GLRA1: variants seen among roughly 807,000 people sequenced by gnomAD.
GLRA1 encodes glycine receptor alpha 1.
A neutral mutation model predicts 48.3 loss-of-function variants in GLRA1; 37 were observed. That is an observed-to-expected ratio of 0.77 (90% confidence interval 0.59 to 1.01). The LOEUF (loss-of-function observed/expected upper bound fraction) is 1.01, where lower values mean the gene tolerates loss of function less well. Ranked by LOEUF, GLRA1 falls within the 50% of genes least tolerant of loss-of-function variation. The pLI is 0.00. For synonymous variants in GLRA1, 196 were observed against 210.7 expected, an observed-to-expected ratio of 0.93 and a Z score of 0.60; for missense variants, 427 against 571.0, an observed-to-expected ratio of 0.75 and a Z score of 2.57.
intron 1 of GLRA1, among the ~76,000 whole-genome samples, chr5:151,896,806 C>G (rs1395267636): frequency 1.3e-5 from 2 of 152,132 alleles, no homozygotes; most frequent in Non-Finnish European, 2.9e-5. Context: ...AAATAGAAAA[C>G]TAATATTACT....
intron 1 of GLRA1, among the ~76,000 whole-genome samples, chr5:151,902,358 C>G (rs970411526): frequency 3.9e-5 from 6 of 151,916 alleles, no homozygotes; most frequent in African/African-American, 9.7e-5. Context: ...TTCCCCAGAA[C>G]CAATCACGGT....
chr5:151,883,580 G>A (rs977756325), intron 3 of GLRA1, among the ~76,000 whole-genome samples: 1 of 152,208 alleles, frequency 6.6e-6, no homozygotes, highest in Admixed American at 6.5e-5. Context: ...GACTACACAC[G>A]TGGTGAAGGA....
intron 7 of GLRA1, 77 bp downstream of exon 7, chr5:151,851,313 T>G: frequency 1.1e-6 from 1 of 937,084 alleles, no homozygotes; most frequent in Non-Finnish European, 1.8e-6. Flanking sequence ...TTGCTCCCCA[T>G]GTTTTAGGCA....
intron 7 of GLRA1, among the ~76,000 whole-genome samples, chr5:151,835,221 C>A (rs1581602306): frequency 6.6e-6 from 1 of 151,940 alleles, no homozygotes; most frequent in Non-Finnish European, 1.5e-5. Context: ...AAGACTAACC[C>A]AGGAAGAAGT....
At chr5:151,850,495 T>A in intron 7 of GLRA1, 1 of 1,018,136 alleles carries the variant, frequency 9.8e-7, no homozygotes, top group East Asian at 2.4e-5. Context: ...GAGGAGGCCA[T>A]CGAGAAACTA....
Position 151,829,020 on chromosome 5 carries a change from G to A in GLRA1, c.960C>T (p.Leu320=). The A allele has an allele frequency of 6.2e-7, 1 of 1,614,122 alleles. No individual in the cohort carries two copies. Among genetic ancestry groups the A allele is most frequent in the South Asian group, 1.1e-5 (1 of 91,080 alleles). Residue 320 remains leucine (L), a synonymous_variant, in exon 8 of 9, where the codon CTC becomes CTT. Transcript: ENST00000274576. ...ATTCTAATAGGGCTGAGAACACAAA[G>A]AGCAGGCAAACTGCCATCCAAATGT... ...AIDIWMAVCL[L]FVFSALLEYA... is the part of the protein sequence containing the mutation.
rs1189842571 is a variant in GLRA1 at position 151,924,591 on chromosome 5, C to G, written c.-42G>C. The G allele has an allele frequency of 9.6e-6, 12 of 1,250,464 alleles. No individual in the cohort carries two copies. The highest frequency in any genetic ancestry group is 1.4e-5 in the Non-Finnish European group (12 of 847,838). 77.5% of individuals were successfully genotyped at this position (1,250,464 alleles called of 1,614,324 possible). A position where few individuals can be genotyped will look rare whatever the true frequency, so the allele number is the denominator to read the frequency against. Reference sequence around the variant, plus strand: ...CTTTGTAGTCCACGAGTTATGGGGGCAAAAATGTTTCAAATTGGCACTTAC... The same window carrying G: ...CTTTGTAGTCCACGAGTTATGGGGGGAAAAATGTTTCAAATTGGCACTTAC... On this transcript the variant is annotated 5_prime_UTR_variant, in exon 1 of 9. Transcript: ENST00000274576.
chr5:151,884,817 G>A (rs60642037), intron 3 of GLRA1, among the ~76,000 whole-genome samples: 2,430 of 152,306 alleles, frequency 0.016, 60 homozygotes, highest in African/African-American at 0.055. Context: ...AAGAGTGGAA[G>A]TGTCAACACT....
intron 8 of GLRA1, among the ~76,000 whole-genome samples, chr5:151,823,495 TC>T (rs1329076103): frequency 6.6e-6 from 1 of 152,108 alleles, no homozygotes; most frequent in Non-Finnish European, 1.5e-5. Flanking sequence ...AGTTAATAAC[TC>T]CCAGGAGTGG....
Position 151,851,370 on chromosome 5 carries a change from T to C in GLRA1, c.912+20A>G, listed in dbSNP as rs759101620. On this transcript the variant is annotated intron_variant, in intron 7 of 8. Transcript: ENST00000274576. ...CCTTATTTGTCCAGGTGTTCTGTGC[T>C]CTTGGGCAATGGGACTTACCTTGGG... is the stretch of plus-strand genomic sequence containing the variant. 1.3e-6 allele frequency: 2 copies of C among 1,550,208 alleles called. No homozygotes were observed. Among genetic ancestry groups the C allele is most frequent in the African/African-American group, 2.7e-5 (2 of 73,684 alleles).
chr5:151,912,543 G>A (rs1581663955), intron 1 of GLRA1, among the ~76,000 whole-genome samples: 2 of 152,150 alleles, frequency 1.3e-5, no homozygotes, highest in Non-Finnish European at 2.9e-5. Context: ...CCAGGGCTGC[G>A]CTGCCATATC....
intron 1 of GLRA1, among the ~76,000 whole-genome samples, chr5:151,916,115 A>T (rs1754733845): frequency 1.3e-5 from 2 of 152,150 alleles, no homozygotes; most frequent in Non-Finnish European, 2.9e-5. Context: ...GAGCAAGGAG[A>T]TCTGTATTTG....
At chr5:151,831,621 C>T (rs1366560812) in intron 7 of GLRA1, among the ~76,000 whole-genome samples, 1 of 152,234 alleles carries the variant, frequency 6.6e-6, no homozygotes, top group Non-Finnish European at 1.5e-5. Flanking sequence ...CTGGGCAGAG[C>T]ATCTCTGAAA....
Position 151,850,226 on chromosome 5 carries a change from G to T in GLRA1, c.912+1164C>A, listed in dbSNP as rs368205781. On this transcript the variant is annotated intron_variant, in intron 7 of 8. Transcript: ENST00000274576. ...TGGAGGCCCATTACCAGGCCTGCTT[G>T]TATGCTGGAGCCAAGATGGTGGGTA... 6.9e-6 allele frequency: 11 copies of T among 1,604,334 alleles called. No individual in the cohort carries two copies. The South Asian group carries it at 8.8e-5, about 13-fold the overall frequency.
chr5:151,842,317 C>T (rs985651541), intron 7 of GLRA1, among the ~76,000 whole-genome samples: 5 of 149,724 alleles, frequency 3.3e-5, no homozygotes, highest in African/African-American at 1.2e-4. Context: ...AAGAAAACTA[C>T]GTATCAACAT....
chr5:151,848,927 C>G lies in GLRA1; in HGVS notation c.912+2463G>C, dbSNP rs994244012. ...TTCCCACTTAAACAAAGGTATTAAG[C>G]AGGTGTACATGTCCCTGTCTCAGGG... On this transcript the variant is annotated intron_variant, in intron 7 of 8. Coordinates refer to ENST00000274576, the MANE Select transcript of GLRA1 (RefSeq NM_000171.4). 5.1e-5 allele frequency: 36 copies of G among 706,514 alleles called. No individual in the cohort carries two copies. In the African/African-American group the frequency reaches 6.3e-4, roughly 12 times the overall value. 43.8% of individuals were successfully genotyped at this position (706,514 alleles called of 1,614,324 possible).
At position 151,849,152 on chromosome 5, in the gene GLRA1, C is replaced by CTTTCTTTCTTTCTTTCT. The variant is rs1426307601; in HGVS notation, c.912+2237_912+2238insAGAAAGAAAGAAAGAAA. 8.3e-5 allele frequency: 11 copies of CTTTCTTTCTTTCTTTCT among 132,444 alleles called. No individual in the cohort carries two copies. The East Asian group carries it at 1.5e-3, about 18-fold the overall frequency. The allele number at this position is 132,444 out of a possible 1,614,324, so 8.2% of individuals were successfully genotyped here. ...TCTTTCTTTCTTTCTTTCTTTCTTT[C>CTTTCTTTCTTTCTTTCT]TTTTCTTTTCTTTTCTTTCTTTCTT... On this transcript the variant is annotated intron_variant, in intron 7 of 8. Coordinates refer to ENST00000274576, the MANE Select transcript of GLRA1 (RefSeq NM_000171.4).
intron 7 of GLRA1, chr5:151,849,103 C>CTTTCTTTCT (rs1353997354): frequency 5.0e-5 from 8 of 159,384 alleles, no homozygotes; most frequent in African/African-American, 3.7e-4. Context: ...TATTTCTTTT[C>CTTTCTTTCT]TTTTCTTTCT....
At position 151,823,005 on chromosome 5, in the gene GLRA1, G is replaced by A. The variant is rs759010972; in HGVS notation, c.1060-42C>T. The A allele has an allele frequency of 1.4e-5, 21 of 1,542,124 alleles. No homozygotes were observed. In the South Asian group the frequency reaches 2.7e-4, roughly 19 times the overall value. The stretch of plus-strand genomic sequence containing the variant: ...ATGGGGCTCTACTTAAAATAAGACA[G>A]GGGCTAGGCACCCTCCCTGCAAGGC... On this transcript the variant is annotated intron_variant, in intron 8 of 8. Transcript: ENST00000274576.
Sources: gnomAD v4.1 joint callset for allele counts (sites outside exome capture counted in the v4.1 genomes callset) on GRCh38, gnomAD v4.1.1 for gene constraint, MANE v1.5 for transcripts, NCBI Gene and HGNC (gene_info 2026-07-23, HGNC 2026-07-21) for gene names.